The following MT4 variants were observed in gnomAD, a reference collection of about 807,000 sequenced individuals.
MT4 encodes metallothionein 4.
MT4 carries 11 observed loss-of-function variants against 9.5 expected under a neutral mutation model. The observed-to-expected ratio is 1.16, with a 90% confidence interval of 0.73 to 1.92. The LOEUF (loss-of-function observed/expected upper bound fraction) is 1.92. Among genes scored for constraint, MT4 ranks in the 30% most tolerant of loss-of-function variants. MT4 has a pLI of 0.00. For synonymous variants in MT4, 29 were observed against 24.6 expected (o/e 1.18, Z -0.53); for missense variants, 88 against 78.7 (o/e 1.12, Z -0.45).
At chr16:56,568,750 C>T in intron 2 of MT4, 91 bp from the exon 3 acceptor site, 1 of 906,366 alleles carries the variant, frequency 1.1e-6, no homozygotes, top group Non-Finnish European at 1.7e-6. Flanking sequence ...ACACACCCCT[C>T]TTTTCCTACT....
At chr16:56,565,790 G>T (rs76584911) in intron 1 of MT4, among the ~76,000 whole-genome samples, 2,598 of 152,276 alleles carry the variant, frequency 0.017, 25 homozygotes, top group Middle Eastern at 0.054. Context: ...ACAAGTCTGG[G>T]TGGTGTGGCT....
intron 1 of MT4, 114 bp downstream of exon 1, chr16:56,565,273 G>GTT (rs1332173064): frequency 3.3e-6 from 4 of 1,196,716 alleles, no homozygotes; most frequent in Non-Finnish European, 4.7e-6. Flanking sequence ...CACCAATGGG[G>GTT]TTCGTCCTGG....
chr16:56,567,036 T>A (rs1348810988), intron 1 of MT4, among the ~76,000 whole-genome samples: 3 of 152,082 alleles, frequency 2.0e-5, no homozygotes, highest in East Asian at 3.9e-4. Context: ...TTTGTTTGTT[T>A]GTTTTAAGGC....
chr16:56,566,769 G>GAAA (rs59257800), intron 1 of MT4, among the ~76,000 whole-genome samples: 12 of 36,930 alleles, frequency 3.2e-4, no homozygotes, highest in East Asian at 3.2e-3. Flanking sequence ...AAGGAAGGAA[G>GAAA]GAAAGAAAGA....
chr16:56,568,215 GAAAGAAAGAAAGAAAGAAAGAA>G lies in MT4; in HGVS notation c.97+401_97+422del, dbSNP rs1173843603. Among the ~76,000 whole-genome samples the G allele has an allele frequency of 9.8e-3, 231 of 23,666 alleles. 17 individuals carry two copies. The highest frequency in any genetic ancestry group is 7.6e-3 in the Non-Finnish European group (74 of 9,706). 15.5% of individuals were successfully genotyped at this position (23,666 alleles called of 152,430 possible). Reference sequence around the variant, plus strand: ...AGGAAGGAAGAGAGAGAGAGAGAGAGAAAGAAAGAAAGAAAGAAAGAAAGAAAGAAAGAAAGAAAGAAAGAGA... The same window carrying G: ...AGGAAGGAAGAGAGAGAGAGAGAGAGAGAAAGAAAGAAAGAAAGAAAGAGA... On this transcript the variant is annotated intron_variant, in intron 2 of 2. Transcript: ENST00000219162.
In MT4 at chr16:56,568,263, G is replaced by GAAAGAA. The variant is rs1567330614; in HGVS notation, c.97+448_97+449insAAGAAA. ...AGAAAGAAAGAAAGAAAGAAAGAGA[G>GAAAGAA]AGAGAGAGAGAAAGAAAGAAAGAAA... On this transcript the variant is annotated intron_variant, in intron 2 of 2. Transcript: ENST00000219162. 2.9e-4 allele frequency among the ~76,000 whole-genome samples: 22 copies of GAAAGAA among 76,156 alleles called. No individual in the cohort carries two copies. In the East Asian group the frequency reaches 3.5e-3, roughly 12 times the overall value. 50.0% of individuals were successfully genotyped at this position (76,156 alleles called of 152,430 possible).
intron 2 of MT4, 121 bp from the exon 3 acceptor site, chr16:56,568,720 T>C (rs1011797975): frequency 1.1e-5 from 7 of 620,368 alleles, no homozygotes; most frequent in African/African-American, 9.3e-5. Flanking sequence ...TTTTTGCTAA[T>C]GTGGATTGAA....
chr16:56,566,821 A>AG (rs201282355), intron 1 of MT4, among the ~76,000 whole-genome samples: 1 of 109,112 alleles, frequency 9.2e-6, no homozygotes, highest in African/African-American at 3.9e-5. Context: ...AAAGAAAGAA[A>AG]AGAAAGAAAG....
intron 1 of MT4, among the ~76,000 whole-genome samples, chr16:56,566,819 AAAAGAAAG>A (rs199947899): frequency 1.7e-3 from 91 of 52,514 alleles, no homozygotes; most frequent in Middle Eastern, 9.6e-3. Context: ...AGAAAGAAAG[AAAAGAAAG>A]AAAGAAAGAA....
intron 1 of MT4, among the ~76,000 whole-genome samples, chr16:56,566,598 G>GAGAA (rs1307765665): frequency 6.8e-6 from 1 of 146,562 alleles, no homozygotes; most frequent in Non-Finnish European, 1.5e-5. Context: ...GAGAGAGAGA[G>GAGAA]AGAAAGAGAG....
chr16:56,566,476 C>T (rs996961134), intron 1 of MT4, among the ~76,000 whole-genome samples: 21 of 151,156 alleles, frequency 1.4e-4, no homozygotes, highest in African/African-American at 4.9e-4. Flanking sequence ...CATGGTGCTC[C>T]AGCCTGGGTG....
intron 1 of MT4, among the ~76,000 whole-genome samples, chr16:56,566,819 A>AAAGAAAAAG (rs1160884981): frequency 1.9e-5 from 1 of 52,488 alleles, no homozygotes; most frequent in African/African-American, 6.6e-5. Flanking sequence ...AGAAAGAAAG[A>AAAGAAAAAG]AAAGAAAGAA....
At chr16:56,566,677 G>A (rs1310049383) in intron 1 of MT4, among the ~76,000 whole-genome samples, 6 of 132,942 alleles carry the variant, frequency 4.5e-5, no homozygotes, top group African/African-American at 1.6e-4. Flanking sequence ...GGGAGAAAGA[G>A]AAAAAGAAAA....
intron 2 of MT4, among the ~76,000 whole-genome samples, chr16:56,568,211 GAGAGAAAGAA>G (rs1376290016): frequency 3.8e-4 from 22 of 57,914 alleles, no homozygotes; most frequent in African/African-American, 1.1e-3. Flanking sequence ...GAGAGAGAGA[GAGAGAAAGAA>G]AGAAAGAAAG....
rs1959553901 is a variant in MT4, at chr16:56,567,744, C to T, written c.32-7C>T. On this transcript the variant is annotated splice_polypyrimidine_tract_variant and splice_region_variant and intron_variant, in intron 1 of 2. Coordinates refer to ENST00000219162, the MANE Select transcript of MT4 (RefSeq NM_032935.3). ...CACGTTTGTGGTGGCTCTGTCCTGTCTTCTAGGAGGAATCTGCATGTGTGG... is the reference window on the plus strand; with the variant it reads ...CACGTTTGTGGTGGCTCTGTCCTGTTTTCTAGGAGGAATCTGCATGTGTGG... 1 of 1,612,980 alleles carries T rather than the reference C, an allele frequency of 6.2e-7. No homozygotes were observed.
chr16:56,568,351 C>A (rs575630961), intron 2 of MT4, among the ~76,000 whole-genome samples: 4 of 150,056 alleles, frequency 2.7e-5, no homozygotes, highest in African/African-American at 9.8e-5. Flanking sequence ...CCATCCCCAC[C>A]CTCAATCCTC....
Position 56,565,143 on chromosome 16 carries a change from A to G in MT4, c.15A>G (p.Glu5=). The change falls in exon 1 of 3, where the codon GAA becomes GAG. Residue 5 remains glutamate, a synonymous_variant. Transcript: ENST00000219162. Reference sequence around the variant, plus strand: ...ACACCTGGACCATGGACCCCAGGGAATGTGTCTGCATGTCTGGTGAGTAAA... The same window carrying G: ...ACACCTGGACCATGGACCCCAGGGAGTGTGTCTGCATGTCTGGTGAGTAAA... The part of the protein sequence containing the change: MDPR[E]CVCMSGGICM... The G allele has an allele frequency of 3.7e-6, 6 of 1,612,878 alleles. No individual in the cohort carries two copies. Among genetic ancestry groups the G allele is most frequent in the Non-Finnish European group, 5.1e-6 (6 of 1,179,444 alleles).
At chr16:56,567,094 G>T (rs1382334050) in intron 1 of MT4, among the ~76,000 whole-genome samples, 1 of 152,060 alleles carries the variant, frequency 6.6e-6, no homozygotes, top group Non-Finnish European at 1.5e-5. Context: ...TGTGATCTCG[G>T]CTCACTGCAA....
chr16:56,566,005 A>G (rs1312049319), intron 1 of MT4, among the ~76,000 whole-genome samples: 6 of 152,114 alleles, frequency 3.9e-5, no homozygotes, highest in Middle Eastern at 3.4e-3. Context: ...TCGAGGCTGC[A>G]GCAAACTAGG....
Sources: gnomAD v4.1 joint callset for allele counts (sites outside exome capture counted in the v4.1 genomes callset) on GRCh38, gnomAD v4.1.1 for gene constraint, MANE v1.5 for transcripts, NCBI Gene and HGNC (gene_info 2026-07-23, HGNC 2026-07-21) for gene names.